TACR1: variants seen among roughly 807,000 people sequenced by gnomAD.
TACR1 encodes the protein tachykinin receptor 1.
TACR1 carries 25 observed loss-of-function variants against 35.8 expected under a neutral mutation model. That is an observed-to-expected ratio of 0.70 (90% CI 0.51 to 0.98). The LOEUF (loss-of-function observed/expected upper bound fraction) is 0.98. Among genes scored for constraint, TACR1 ranks in the 50% least tolerant of loss-of-function variants. The pLI, the probability that TACR1 is intolerant of heterozygous loss-of-function variation, is 0.00. For synonymous variants in TACR1, 195 were observed against 206.7 expected (o/e 0.94, Z 0.48); for missense variants, 478 against 522.9 (o/e 0.91, Z 0.84).
chr2:75,136,209 A>T (rs1006171333), intron 1 of TACR1, among the ~76,000 whole-genome samples: 1 of 151,920 alleles, frequency 6.6e-6, no homozygotes, highest in African/African-American at 2.4e-5. Flanking sequence ...TACAGCCCTC[A>T]CTCCAGCCTT....
At chr2:75,099,566 T>C (rs1308115685) in intron 2 of TACR1, among the ~76,000 whole-genome samples, 1 of 152,206 alleles carries the variant, frequency 6.6e-6, no homozygotes, top group Admixed American at 6.5e-5. Flanking sequence ...AATCTCAGGC[T>C]GAGATGAATC....
At chr2:75,181,297 T>G (rs1189459778) in intron 1 of TACR1, among the ~76,000 whole-genome samples, 1 of 152,146 alleles carries the variant, frequency 6.6e-6, no homozygotes, top group Non-Finnish European at 1.5e-5. Context: ...TTTGAAAAGC[T>G]TCTTTCCAAA....
At chr2:75,147,405 G>A (rs1179150971) in intron 1 of TACR1, among the ~76,000 whole-genome samples, 1 of 152,112 alleles carries the variant, frequency 6.6e-6, no homozygotes, top group Non-Finnish European at 1.5e-5. Context: ...CCTATAAAGT[G>A]TATTTTTAAA....
intron 1 of TACR1, among the ~76,000 whole-genome samples, chr2:75,185,219 AATTAT>A (rs1349501311): frequency 6.6e-6 from 1 of 152,064 alleles, no homozygotes; most frequent in Non-Finnish European, 1.5e-5. Context: ...GAGGTAATCT[AATTAT>A]ATTAAATTAT....
chr2:75,053,579 G>C, intron 3 of TACR1, 26 bp downstream of exon 3: 1 of 1,498,052 alleles, frequency 6.7e-7, no homozygotes, highest in Non-Finnish European at 8.9e-7. Flanking sequence ...GCCAGGGTGG[G>C]TTAGTTCTGC....
chr2:75,178,548 A>G (rs1675484021), intron 1 of TACR1, among the ~76,000 whole-genome samples: 1 of 151,854 alleles, frequency 6.6e-6, no homozygotes, highest in African/African-American at 2.4e-5. Flanking sequence ...AAAAAAAACA[A>G]CTCCCTTAAA....
intron 2 of TACR1, among the ~76,000 whole-genome samples, chr2:75,078,024 C>T (rs994599553): frequency 2.6e-5 from 4 of 152,230 alleles, no homozygotes; most frequent in South Asian, 2.1e-4. Flanking sequence ...TTGAATTAAC[C>T]ACTTCTCTAC....
intron 1 of TACR1, chr2:75,156,448 A>AC: frequency 6.6e-6 from 1 of 151,398 alleles, no homozygotes; most frequent in South Asian, 2.1e-4. Context: ...AAAAAAAAAA[A>AC]AAAAATTAGC....
intron 2 of TACR1, among the ~76,000 whole-genome samples, chr2:75,100,694 C>T (rs191674337): frequency 1.2e-4 from 19 of 152,230 alleles, no homozygotes; most frequent in South Asian, 4.1e-4. Flanking sequence ...TAGCATAGTA[C>T]GTACTATAAA....
At chr2:75,151,868 T>C (rs763442652) in intron 1 of TACR1, among the ~76,000 whole-genome samples, 1 of 152,140 alleles carries the variant, frequency 6.6e-6, no homozygotes, top group Non-Finnish European at 1.5e-5. Flanking sequence ...CCCAAGACCA[T>C]GGGAACCTAC....
intron 2 of TACR1, among the ~76,000 whole-genome samples, chr2:75,100,001 A>C (rs1447438632): frequency 1.3e-5 from 2 of 152,180 alleles, no homozygotes; most frequent in African/African-American, 4.8e-5. Flanking sequence ...GCATAAACTC[A>C]GTGATCCTAC....
intron 1 of TACR1, among the ~76,000 whole-genome samples, chr2:75,139,136 T>A (rs1405311775): frequency 2.0e-5 from 3 of 152,194 alleles, no homozygotes; most frequent in Non-Finnish European, 4.4e-5. Context: ...AAATTAACAT[T>A]TGTTTAAGCA....
chr2:75,075,307 T>C (rs988086415), intron 2 of TACR1, among the ~76,000 whole-genome samples: 3 of 152,228 alleles, frequency 2.0e-5, no homozygotes, highest in Admixed American at 6.5e-5. Flanking sequence ...GGAACTCTTA[T>C]TTACTGCTGG....
chr2:75,158,851 C>G (rs549971403), intron 1 of TACR1, among the ~76,000 whole-genome samples: 6 of 152,174 alleles, frequency 3.9e-5, no homozygotes, highest in African/African-American at 1.4e-4. Flanking sequence ...GGTCCCATGT[C>G]CCAGGCCTGG....
chr2:75,193,464 A>G (rs576200988), intron 1 of TACR1, among the ~76,000 whole-genome samples: 97 of 152,166 alleles, frequency 6.4e-4, no homozygotes, highest in African/African-American at 2.3e-3. Flanking sequence ...ATTCCAACTA[A>G]TCGTTATATT....
At chr2:75,052,704 A>T (rs532370443) in intron 3 of TACR1, among the ~76,000 whole-genome samples, 1 of 152,320 alleles carries the variant, frequency 6.6e-6, no homozygotes, top group African/African-American at 2.4e-5. Context: ...TATAAGTGCC[A>T]ATAGCTAGAA....
chr2:75,163,804 A>G (rs190533638), intron 1 of TACR1, among the ~76,000 whole-genome samples: 1 of 152,340 alleles, frequency 6.6e-6, no homozygotes, highest in Non-Finnish European at 1.5e-5. Flanking sequence ...CCAATATTGC[A>G]TTATTACTCT....
chr2:75,179,116 T>C (rs1453908060), intron 1 of TACR1, among the ~76,000 whole-genome samples: 1 of 152,210 alleles, frequency 6.6e-6, no homozygotes, highest in Non-Finnish European at 1.5e-5. Flanking sequence ...AAATGACTCC[T>C]CATTTCTGTT....
In TACR1 at chr2:75,088,054, G is replaced by C. The variant is rs563472270; in HGVS notation, c.584+32520C>G. 6.9e-4 allele frequency among the ~76,000 whole-genome samples: 105 copies of C among 152,166 alleles called. 1 individual carries two copies. Among genetic ancestry groups the C allele is most frequent in the Non-Finnish European group, 1.2e-3 (79 of 68,040 alleles). ...CCATGTCTCGGTCCTCATTTCTCTA[G>C]CTGACGTCTACCTTGCAGCTGGATC... is the stretch of plus-strand genomic sequence containing the variant. On this transcript the variant is annotated intron_variant, in intron 2 of 4. Transcript: ENST00000305249.
Sources: allele counts gnomAD v4.1 joint callset (sites outside exome capture counted in the v4.1 genomes callset), GRCh38; gene constraint gnomAD v4.1.1; transcripts MANE v1.5; gene names NCBI Gene and HGNC (gene_info 2026-07-23, HGNC 2026-07-21).